Variants in CD163L1 observed in about 807,000 individuals in gnomAD.
CD163L1 encodes the protein scavenger receptor cysteine-rich type 1 protein M160.
A neutral mutation model predicts 165.4 loss-of-function variants in CD163L1; 124 were observed. The observed-to-expected ratio is 0.75, with a 90% CI of 0.65 to 0.87. The LOEUF is 0.87. Ranked by LOEUF, CD163L1 falls within the 40% of genes least tolerant of loss-of-function variation. The pLI is 0.00. For synonymous variants in CD163L1, 585 were observed against 662.2 expected (o/e 0.88, Z 1.79); for missense variants, 1,525 against 1,799.9 (o/e 0.85, Z 2.76).
chr12:7,444,086 C>T lies in CD163L1; in HGVS notation c.31+11G>A, dbSNP rs372595866. The T allele has an allele frequency of 6.2e-7, 1 of 1,613,550 alleles. No individual in the cohort carries two copies. The highest frequency in any genetic ancestry group is 1.3e-5 in the African/African-American group (1 of 74,898). ...CCCAAATGGCAGAGCAAAATAAAAG[C>T]AAAACCTTACCAATATGCCACGAGT... On this transcript the variant is annotated intron_variant, in intron 1 of 19. Transcript: ENST00000313599.
chr12:7,428,919 G>A (rs919768214), intron 4 of CD163L1, among the ~76,000 whole-genome samples: 2 of 151,884 alleles, frequency 1.3e-5, no homozygotes, highest in Non-Finnish European at 2.9e-5. Flanking sequence ...TAGTCTATAG[G>A]CATCAATACC....
chr12:7,340,500 G>A, the CD163L1 span, among the ~76,000 whole-genome samples: 6 of 152,084 alleles, frequency 3.9e-5, no homozygotes, highest in African/African-American at 7.2e-5. Context: ...GTGTATTACC[G>A]CAAAGTTCAC....
chr12:7,330,339 T>C, the CD163L1 span, among the ~76,000 whole-genome samples: 1 of 152,198 alleles, frequency 6.6e-6, no homozygotes, highest in Non-Finnish European at 1.5e-5. Context: ...TAATAATAAG[T>C]CCATTTCCGT....
At position 7,376,159 on chromosome 12, in the gene CD163L1, C is replaced by T. The variant is rs541385726; in HGVS notation, c.2372-145G>A. On this transcript the variant is annotated intron_variant, in intron 9 of 19. Coordinates refer to ENST00000313599, the MANE Select transcript of CD163L1 (RefSeq NM_174941.6). ...GTAGGGGCTCAGAGGACAAGATTAG[C>T]AGTACAGACTTAAATTCACAGATCT... 809 of 680,306 alleles carry T rather than the reference C, an allele frequency of 1.2e-3. 2 individuals are homozygous for T. Among genetic ancestry groups the T allele is most frequent in the Middle Eastern group, 2.1e-3 (6 of 2,868 alleles). The allele number at this position is 680,306 out of a possible 1,614,324, so 42.1% of individuals were successfully genotyped here.
chr12:7,346,666 C>T (rs1236779127), downstream of CD163L1: 1 of 152,146 alleles, frequency 6.6e-6, no homozygotes, highest in African/African-American at 2.4e-5. Context: ...CAAAGAGACA[C>T]CTAGGTATTT....
intron 5 of CD163L1, among the ~76,000 whole-genome samples, chr12:7,406,131 A>C (rs1165161524): frequency 6.6e-6 from 1 of 152,196 alleles, no homozygotes; most frequent in Non-Finnish European, 1.5e-5. Flanking sequence ...AAACAAACTC[A>C]GTTATAACCT....
intron 4 of CD163L1, among the ~76,000 whole-genome samples, chr12:7,424,465 T>C (rs562752769): frequency 5.9e-5 from 9 of 152,098 alleles, no homozygotes; most frequent in Non-Finnish European, 1.0e-4. Context: ...CTATTCAACA[T>C]AGTGTTGGAA....
chr12:7,387,892 A>G (rs745838754), intron 8 of CD163L1, among the ~76,000 whole-genome samples: 1 of 152,352 alleles, frequency 6.6e-6, no homozygotes, highest in Admixed American at 6.5e-5. Flanking sequence ...CTACAAAGCT[A>G]CAGTAACCAA....
chr12:7,441,944 C>T (rs1299976706), intron 1 of CD163L1, among the ~76,000 whole-genome samples: 1 of 152,070 alleles, frequency 6.6e-6, no homozygotes, highest in Non-Finnish European at 1.5e-5. Flanking sequence ...TTATGCTACA[C>T]GTGTGGGGAA....
chr12:7,390,553 CA>C (rs1196455422), intron 8 of CD163L1, among the ~76,000 whole-genome samples: 1 of 151,904 alleles, frequency 6.6e-6, no homozygotes, highest in Non-Finnish European at 1.5e-5. Flanking sequence ...TTCCAGAAAA[CA>C]ACAGGTAAAA....
intron 4 of CD163L1, among the ~76,000 whole-genome samples, chr12:7,422,604 C>CAT (rs1948459375): frequency 6.6e-6 from 1 of 150,650 alleles, no homozygotes; most frequent in Non-Finnish European, 1.5e-5. Context: ...ATATGCTTTT[C>CAT]ATATATATAT....
chr12:7,394,188 C>T (rs1292142181), intron 8 of CD163L1, among the ~76,000 whole-genome samples: 1 of 152,044 alleles, frequency 6.6e-6, no homozygotes, highest in Non-Finnish European at 1.5e-5. Context: ...TACCTGACTT[C>T]AAACTATACT....
At chr12:7,370,450 C>T (rs1172849816) in intron 14 of CD163L1, among the ~76,000 whole-genome samples, 1 of 152,178 alleles carries the variant, frequency 6.6e-6, no homozygotes, top group Non-Finnish European at 1.5e-5. Flanking sequence ...CCACCAACCA[C>T]ATGAAGACCA....
At chr12:7,426,234 T>G (rs1008492033) in intron 4 of CD163L1, among the ~76,000 whole-genome samples, 2 of 151,996 alleles carry the variant, frequency 1.3e-5, no homozygotes, top group African/African-American at 4.8e-5. Context: ...AAGTGGGAGT[T>G]GAACAATGAG....
intron 18 of CD163L1, among the ~76,000 whole-genome samples, chr12:7,366,706 C>T (rs1274513920): frequency 2.6e-5 from 4 of 152,140 alleles, no homozygotes; most frequent in African/African-American, 9.6e-5. Context: ...GTCACTTTGC[C>T]AGATGGTGTT....
chr12:7,373,374 G>A lies in CD163L1; in HGVS notation c.3676C>T (p.Pro1226Ser). Reference protein sequence around the residue: ...HISIWQCLSAPWERRISSPAE... With the variant: ...HISIWQCLSASWERRISSPAE... ...GGGCTGGAGATTCTTCGCTCCCATG[G>A]GGCAGACAGGCACTGCCATATGGAG... The change falls in exon 14 of 20, where the codon CCA becomes TCA. Residue 1226 changes from proline to serine, a missense_variant. Pro to Ser is a moderately conservative substitution (Grantham distance 74). Transcript: ENST00000313599. 1.9e-6 allele frequency: 3 copies of A among 1,614,088 alleles called. No individual in the cohort carries two copies. Among genetic ancestry groups the A allele is most frequent in the Non-Finnish European group, 2.5e-6 (3 of 1,179,986 alleles).
chr12:7,376,133 C>A (rs376949437), intron 9 of CD163L1, 119 bp from the exon 10 acceptor site: 2 of 797,846 alleles, frequency 2.5e-6, no homozygotes, highest in Admixed American at 5.7e-5. Flanking sequence ...ACATCCCATT[C>A]GTAGGGGCTC....
chr12:7,441,113 G>C (rs985221306), intron 2 of CD163L1, 41 bp downstream of exon 2: 9 of 1,383,548 alleles, frequency 6.5e-6, no homozygotes, highest in Non-Finnish European at 9.3e-6. Context: ...AGGTAGAATA[G>C]AGGATTGTAA....
intron 14 of CD163L1, among the ~76,000 whole-genome samples, chr12:7,371,132 C>T (rs1378137361): frequency 6.6e-6 from 1 of 152,188 alleles, no homozygotes; most frequent in Non-Finnish European, 1.5e-5. Flanking sequence ...TGCCTTCAGC[C>T]ATGATTGTGA....
Sources: gnomAD v4.1 joint callset for allele counts (sites outside exome capture counted in the v4.1 genomes callset) on GRCh38, gnomAD v4.1.1 for gene constraint, MANE v1.5 for transcripts, NCBI Gene and HGNC (gene_info 2026-07-23, HGNC 2026-07-21) for gene names.